The following MYOM2 variants were observed in gnomAD, a reference collection of about 807,000 sequenced individuals.
MYOM2 encodes the protein myomesin 2, also known as myomesin-2.
A neutral mutation model predicts 187.6 loss-of-function variants in MYOM2; 254 were observed. That is an observed-to-expected ratio of 1.35 (90% CI 1.22 to 1.50). The LOEUF is 1.50. Among genes scored for constraint, MYOM2 ranks in the 40% most tolerant of loss-of-function variants. The pLI, the probability that MYOM2 is intolerant of heterozygous loss-of-function variation, is 0.00. For synonymous variants in MYOM2, 981 were observed against 753.8 expected (o/e 1.30, Z -4.94); for missense variants, 2,796 against 1,924.0 (o/e 1.45, Z -8.48).
intron 6 of MYOM2, among the ~76,000 whole-genome samples, chr8:2,061,223 G>A (rs1055433336): frequency 2.0e-4 from 31 of 151,934 alleles, no homozygotes; most frequent in African/African-American, 7.5e-4. Context: ...GGTGTTTAGT[G>A]AGGGAGGGCG....
chr8:2,097,804 A>G (rs1345009473), intron 18 of MYOM2, among the ~76,000 whole-genome samples: 1 of 152,238 alleles, frequency 6.6e-6, no homozygotes, highest in African/African-American at 2.4e-5. Flanking sequence ...GGCGTGAGTC[A>G]CTGTGCCCAG....
In MYOM2 at chr8:2,055,050, A is replaced by G. The variant is rs1818615016; in HGVS notation, c.264-2298A>G. The stretch of plus-strand genomic sequence containing the variant: ...GGATACTGGGGAACCAAGTACCTGG[A>G]TACTGGGGGAACGAAGTACCTGGAT... On this transcript the variant is annotated intron_variant, in intron 3 of 36. Transcript: ENST00000262113. Among the ~76,000 whole-genome samples, 4 of 107,592 alleles carry G rather than the reference A, an allele frequency of 3.7e-5. 1 individual carries two copies. Among genetic ancestry groups the G allele is most frequent in the Non-Finnish European group, 8.6e-5 (4 of 46,658 alleles). The allele number at this position is 107,592 out of a possible 152,430, so 70.6% of individuals were successfully genotyped here.
intron 3 of MYOM2, among the ~76,000 whole-genome samples, chr8:2,055,525 G>T (rs1818634998): frequency 1.3e-5 from 2 of 152,104 alleles, no homozygotes; most frequent in Non-Finnish European, 2.9e-5. Flanking sequence ...AGCGGGGACA[G>T]GGAGGTGCGA....
In MYOM2 at chr8:2,125,643, C is replaced by T. The variant is rs1797610284; in HGVS notation, c.3694+1426C>T. Among the ~76,000 whole-genome samples the T allele has an allele frequency of 3.9e-5, 5 of 127,532 alleles. No individual in the cohort carries two copies. The South Asian group carries it at 1.2e-3, about 32-fold the overall frequency. The allele number at this position is 127,532 out of a possible 152,430, so 83.7% of individuals were successfully genotyped here. A position where few individuals can be genotyped will look rare whatever the true frequency, so the allele number is the denominator to read the frequency against. Reference sequence around the variant, plus strand: ...TTTTTTTTTGAGACGGAGTCTTTCCCTGTTGCCAGGCTGTAGTGCAGTGGG... The same window carrying T: ...TTTTTTTTTGAGACGGAGTCTTTCCTTGTTGCCAGGCTGTAGTGCAGTGGG... On this transcript the variant is annotated intron_variant, in intron 31 of 36. Transcript: ENST00000262113.
intron 32 of MYOM2, among the ~76,000 whole-genome samples, chr8:2,131,098 G>C (rs1239350224): frequency 6.6e-6 from 1 of 152,162 alleles, no homozygotes. Flanking sequence ...GGTCTGGGGG[G>C]TACAGAGATT....
chr8:2,118,282 C>T (rs1045295931), intron 28 of MYOM2, among the ~76,000 whole-genome samples: 1 of 152,104 alleles, frequency 6.6e-6, no homozygotes, highest in African/African-American at 2.4e-5. Context: ...GCTGCTCATA[C>T]GAGTTCATCA....
At chr8:2,085,151 G>C (rs1819767257) in intron 13 of MYOM2, 112 bp from the exon 14 acceptor site, 1 of 1,364,340 alleles carries the variant, frequency 7.3e-7, no homozygotes, top group East Asian at 2.4e-5. Flanking sequence ...TCCCCAAATA[G>C]AAACAAAACA....
chr8:2,130,524 A>G (rs1264714102), intron 32 of MYOM2, among the ~76,000 whole-genome samples: 5 of 152,240 alleles, frequency 3.3e-5, no homozygotes, highest in African/African-American at 1.2e-4. Flanking sequence ...CACTTTTAAT[A>G]TCACTGGTTT....
At chr8:2,092,234 C>A in intron 15 of MYOM2, 112 bp from the exon 16 acceptor site, 2 of 1,314,638 alleles carry the variant, frequency 1.5e-6, no homozygotes, top group Non-Finnish European at 2.1e-6. Flanking sequence ...GAATTTCTTC[C>A]AAAGCCCCCA....
intron 14 of MYOM2, among the ~76,000 whole-genome samples, chr8:2,088,889 G>A (rs1218422313): frequency 1.3e-5 from 2 of 152,244 alleles, no homozygotes; most frequent in East Asian, 1.9e-4. Flanking sequence ...CAGTGGATAA[G>A]CCTTCCCTTT....
intron 1 of MYOM2, among the ~76,000 whole-genome samples, chr8:2,048,750 T>C (rs114299321): frequency 6.6e-6 from 1 of 151,618 alleles, no homozygotes; most frequent in African/African-American, 2.4e-5. Flanking sequence ...GGAGGAGATA[T>C]GCTTTTATTT....
rs144407326 is a variant in MYOM2 at position 2,135,628 on chromosome 8, C to A, written c.3801-5095C>A. Reference sequence around the variant, plus strand: ...TGTGCTTTCTTCTATCCTCCACTGTCTTATATTAATGTGAACCATTTTAAC... The same window carrying A: ...TGTGCTTTCTTCTATCCTCCACTGTATTATATTAATGTGAACCATTTTAAC... On this transcript the variant is annotated intron_variant, in intron 32 of 36. Transcript: ENST00000262113. Among the ~76,000 whole-genome samples the A allele has an allele frequency of 2.5e-4, 38 of 152,218 alleles. 1 individual carries two copies. The highest frequency in any genetic ancestry group is 9.1e-4 in the African/African-American group (38 of 41,548).
At chr8:2,049,930 A>T (rs1446700076) in intron 1 of MYOM2, among the ~76,000 whole-genome samples, 6 of 152,114 alleles carry the variant, frequency 3.9e-5, no homozygotes, top group Non-Finnish European at 8.8e-5. Context: ...ATTTCCCCAC[A>T]TCCCTGAGGC....
chr8:2,082,756 T>C (rs1466792813), intron 13 of MYOM2, among the ~76,000 whole-genome samples: 4 of 152,254 alleles, frequency 2.6e-5, no homozygotes, highest in African/African-American at 7.2e-5. Flanking sequence ...TATGCAAGCA[T>C]TGGCTGTGCT....
At chr8:2,120,675 T>TATATATATATATATATA (rs1220891042) in intron 28 of MYOM2, among the ~76,000 whole-genome samples, 3 of 41,430 alleles carry the variant, frequency 7.2e-5, no homozygotes, top group Non-Finnish European at 1.5e-4. Context: ...TATATATATA[T>TATATATATATATATATA]TATATTATAT....
intron 6 of MYOM2, among the ~76,000 whole-genome samples, chr8:2,062,477 T>G (rs886219331): frequency 6.6e-6 from 1 of 152,062 alleles, no homozygotes. Context: ...TGGGCTCGAC[T>G]GGGCATTAGT....
intron 10 of MYOM2, 45 bp downstream of exon 10, chr8:2,073,545 G>A (rs755809973): frequency 3.6e-5 from 56 of 1,536,532 alleles, no homozygotes; most frequent in South Asian, 9.6e-5. Context: ...GTGTGTGCCC[G>A]GGGAGGGGAG....
Position 2,123,617 on chromosome 8 carries a change from G to C in MYOM2, c.3630G>C (p.Val1210=). The change falls in exon 30 of 37, where the codon GTG becomes GTC. Residue 1210 remains valine (V), a synonymous_variant. Coordinates refer to ENST00000262113, the MANE Select transcript of MYOM2 (RefSeq NM_003970.4). The part of the protein sequence containing the change: ...ATLKDDRGQD[V]SILEIAGKVY... ...TGAAAGATGACAGAGGCCAAGATGT[G>C]TCCATCCTTGAAATAGCTGGCAAAG... 1.2e-6 allele frequency: 2 copies of C among 1,614,174 alleles called. No individual in the cohort carries two copies. The highest frequency in any genetic ancestry group is 1.1e-5 in the South Asian group (1 of 91,080).
At chr8:2,047,967 A>C (rs968774872) in intron 1 of MYOM2, among the ~76,000 whole-genome samples, 3 of 152,234 alleles carry the variant, frequency 2.0e-5, no homozygotes, top group African/African-American at 7.2e-5. Flanking sequence ...TCAAGACCTG[A>C]GCCGTTTCAC....
Sources: gnomAD v4.1 joint callset for allele counts (sites outside exome capture counted in the v4.1 genomes callset) on GRCh38, gnomAD v4.1.1 for gene constraint, MANE v1.5 for transcripts, NCBI Gene and HGNC (gene_info 2026-07-23, HGNC 2026-07-21) for gene names.